ATXN7L1: variants seen among roughly 807,000 people sequenced by gnomAD.
ATXN7L1 encodes the protein ataxin-7-like protein 1.
Under a neutral mutation model 70.8 loss-of-function variants are expected in ATXN7L1, and 15 were observed. The ratio of observed to expected loss-of-function variants is 0.21; its 90% CI spans 0.14 to 0.33. ATXN7L1 has a LOEUF of 0.33. Ranked by LOEUF, ATXN7L1 falls within the 10% of genes least tolerant of loss-of-function variation. The probability of loss-of-function intolerance (pLI) is 1.00; values close to 1 mark genes in which losing one functional copy is unlikely to be tolerated. For synonymous variants in ATXN7L1, 440 were observed against 445.1 expected (o/e 0.99, Z 0.14); for missense variants, 975 against 1,097.1 (o/e 0.89, Z 1.57).
At chr7:105,761,346 G>C (rs910208606) in intron 3 of ATXN7L1, 4 of 1,613,572 alleles carry the variant, frequency 2.5e-6, no homozygotes, top group Non-Finnish European at 3.4e-6. Context: ...AGATCTTTCA[G>C]AAGTTGTACG....
intron 3 of ATXN7L1, among the ~76,000 whole-genome samples, chr7:105,687,350 G>A (rs760672337): frequency 9.9e-5 from 15 of 152,146 alleles, no homozygotes; most frequent in South Asian, 2.1e-4. Context: ...CCTAGTACCC[G>A]AGAATATAAG....
chr7:105,771,410 T>A (rs1230176127), intron 3 of ATXN7L1, among the ~76,000 whole-genome samples: 1 of 152,182 alleles, frequency 6.6e-6, no homozygotes, highest in African/African-American at 2.4e-5. Flanking sequence ...ATCTGATTTA[T>A]GAAAATAGGT....
chr7:105,682,504 G>C (rs1256089635), intron 3 of ATXN7L1, among the ~76,000 whole-genome samples: 1 of 152,140 alleles, frequency 6.6e-6, no homozygotes. Flanking sequence ...CTATTCATAA[G>C]AGCCAAAAAA....
At chr7:105,786,307 C>G (rs979691938) in intron 3 of ATXN7L1, among the ~76,000 whole-genome samples, 10 of 152,170 alleles carry the variant, frequency 6.6e-5, no homozygotes, top group African/African-American at 2.4e-4. Context: ...TGACTCTTGG[C>G]TCTTATGCCA....
intron 3 of ATXN7L1, among the ~76,000 whole-genome samples, chr7:105,730,275 G>T (rs530361439): frequency 2.0e-4 from 30 of 152,222 alleles, no homozygotes; most frequent in South Asian, 1.0e-3. Context: ...TTACCTCTGT[G>T]GTCTTTACCC....
chr7:105,713,142 T>C (rs981396661), intron 3 of ATXN7L1, among the ~76,000 whole-genome samples: 3 of 152,096 alleles, frequency 2.0e-5, no homozygotes, highest in Non-Finnish European at 4.4e-5. Flanking sequence ...AATCATCAGA[T>C]CTTGTGAGAA....
intron 3 of ATXN7L1, among the ~76,000 whole-genome samples, chr7:105,781,519 C>G (rs1339191495): frequency 6.6e-6 from 1 of 152,214 alleles, no homozygotes; most frequent in African/African-American, 2.4e-5. Flanking sequence ...TCTCTCTGGG[C>G]TGAGGTAAGG....
chr7:105,648,176 G>A (rs1799334207), intron 4 of ATXN7L1, among the ~76,000 whole-genome samples: 2 of 152,202 alleles, frequency 1.3e-5, no homozygotes, highest in South Asian at 4.1e-4. Flanking sequence ...GGGAGACTGC[G>A]CTCTTTTGGG....
chr7:105,722,769 C>T (rs1795349716), intron 3 of ATXN7L1, among the ~76,000 whole-genome samples: 1 of 151,706 alleles, frequency 6.6e-6, no homozygotes, highest in Admixed American at 6.6e-5. Context: ...CCTGTAATCC[C>T]CACTACTCGG....
At chr7:105,662,082 C>CCTTCTTTCT (rs1554414718) in intron 4 of ATXN7L1, among the ~76,000 whole-genome samples, 1 of 78,820 alleles carries the variant, frequency 1.3e-5, no homozygotes, top group Non-Finnish European at 2.8e-5. Flanking sequence ...TTCCTTCCTT[C>CCTTCTTTCT]TTTCTTTTCT....
chr7:105,869,181 C>G (rs986833819), intron 2 of ATXN7L1, among the ~76,000 whole-genome samples: 22 of 152,280 alleles, frequency 1.4e-4, no homozygotes, highest in African/African-American at 5.1e-4. Context: ...CCATCTCTCC[C>G]ATCCTTCCAT....
chr7:105,876,379 G>A lies in ATXN7L1; in HGVS notation c.180C>T (p.Asp60=). Residue 60 remains aspartate (D), a splice_region_variant and synonymous_variant, in exon 1 of 12, where the codon GAC becomes GAT. Transcript: ENST00000419735. ...AGGAGGAGGTGGTGGGGTTCTTACTGTCGGAGCAGTGTAATTTGGCGGCGT... is the reference window on the plus strand; with the variant it reads ...AGGAGGAGGTGGTGGGGTTCTTACTATCGGAGCAGTGTAATTTGGCGGCGT... ...WIDAAKLHCS[D]NVDLEEAGKE... 1.2e-6 allele frequency: 2 copies of A among 1,603,656 alleles called. No individual in the cohort carries two copies. The highest frequency in any genetic ancestry group is 1.7e-6 in the Non-Finnish European group (2 of 1,174,632).
intron 2 of ATXN7L1, among the ~76,000 whole-genome samples, chr7:105,792,159 C>T (rs957220919): frequency 1.3e-5 from 2 of 152,182 alleles, no homozygotes; most frequent in East Asian, 1.9e-4. Flanking sequence ...GGTTCGGCTC[C>T]TTAGAGACTG....
chr7:105,863,401 T>C (rs560215685), intron 2 of ATXN7L1, among the ~76,000 whole-genome samples: 4 of 152,322 alleles, frequency 2.6e-5, no homozygotes, highest in African/African-American at 9.6e-5. Flanking sequence ...AGTTCAGCCT[T>C]GCCATTTTGC....
In ATXN7L1 at chr7:105,657,953, G is replaced by C. The variant is rs1447559747; in HGVS notation, c.578+7113C>G. Among the ~76,000 whole-genome samples the C allele has an allele frequency of 2.6e-5, 4 of 152,226 alleles. No individual in the cohort carries two copies. In the East Asian group the frequency reaches 5.8e-4, roughly 22 times the overall value. On this transcript the variant is annotated intron_variant, in intron 4 of 11. Transcript: ENST00000419735. ...CTAATGAAAATTTAGTGTCCAAATT[G>C]AGATGTGCTGTAAGTGTAATAAAAC...
intron 2 of ATXN7L1, among the ~76,000 whole-genome samples, chr7:105,814,089 T>C (rs1372657522): frequency 6.6e-6 from 1 of 152,210 alleles, no homozygotes; most frequent in Non-Finnish European, 1.5e-5. Context: ...AAAACCAGCT[T>C]CGCAGCAGTC....
chr7:105,786,783 C>A (rs986572186), intron 3 of ATXN7L1, among the ~76,000 whole-genome samples: 4 of 151,960 alleles, frequency 2.6e-5, no homozygotes, highest in Admixed American at 1.3e-4. Flanking sequence ...CTAAAGTGCT[C>A]GGATTATAAG....
chr7:105,703,213 G>C (rs1792700652), intron 3 of ATXN7L1, among the ~76,000 whole-genome samples: 1 of 151,534 alleles, frequency 6.6e-6, no homozygotes, highest in African/African-American at 2.4e-5. Flanking sequence ...CTGCAGAAGG[G>C]AGAATCGCTT....
chr7:105,675,380 T>C (rs944115894), intron 3 of ATXN7L1, among the ~76,000 whole-genome samples: 6 of 152,172 alleles, frequency 3.9e-5, no homozygotes, highest in African/African-American at 1.4e-4. Flanking sequence ...CCCAGCACTT[T>C]GGGAGGCCGA....
Sources: allele counts gnomAD v4.1 joint callset (sites outside exome capture counted in the v4.1 genomes callset), GRCh38; gene constraint gnomAD v4.1.1; transcripts MANE v1.5; gene names NCBI Gene and HGNC (gene_info 2026-07-23, HGNC 2026-07-21).